Variants in TNC observed in about 807,000 individuals in gnomAD.
TNC encodes tenascin C.
In TNC, 109 loss-of-function variants were observed where a neutral mutation model predicts 202.4. The observed-to-expected ratio is 0.54, with a 90% CI of 0.46 to 0.63. The LOEUF is 0.63. Ranked by LOEUF, TNC falls within the 30% of genes least tolerant of loss-of-function variation. TNC has a pLI of 0.00. For missense variants in TNC, 2,756 were observed against 2,833.3 expected, an observed-to-expected ratio of 0.97 and a Z score of 0.62; for synonymous variants, 1,007 against 1,089.7, an observed-to-expected ratio of 0.92 and a Z score of 1.50.
At chr9:115,070,861 C>G (rs1325714557) in intron 10 of TNC, among the ~76,000 whole-genome samples, 2 of 152,218 alleles carry the variant, frequency 1.3e-5, no homozygotes, top group African/African-American at 4.8e-5. Context: ...CTATGCTTAC[C>G]AAGGTCAGGT....
chr9:115,085,738 A>G lies in TNC; in HGVS notation c.1867+126T>C, dbSNP rs1834660215. On this transcript the variant is annotated intron_variant, in intron 3 of 27. Coordinates refer to ENST00000350763, the MANE Select transcript of TNC (RefSeq NM_002160.4). ...TCATTATGGGTGTGTGTTTAAATGG[A>G]TATATTAATACGTACAAAGAATCAG... is the stretch of plus-strand genomic sequence containing the variant. 5 of 956,132 alleles carry G rather than the reference A, an allele frequency of 5.2e-6. No homozygotes were observed. In the South Asian group the frequency reaches 8.8e-5, roughly 17 times the overall value. The allele number at this position is 956,132 out of a possible 1,614,324, so 59.2% of individuals were successfully genotyped here.
At chr9:115,104,966 C>T (rs1836501560) in intron 1 of TNC, among the ~76,000 whole-genome samples, 1 of 152,064 alleles carries the variant, frequency 6.6e-6, no homozygotes, top group South Asian at 2.1e-4. Context: ...ACGTGTACAC[C>T]AAATATTTGG....
At chr9:115,024,186 C>G (rs1393434710) in intron 26 of TNC, 50 bp from the exon 27 acceptor site, 4 of 1,592,682 alleles carry the variant, frequency 2.5e-6, no homozygotes, top group Non-Finnish European at 3.4e-6. Context: ...TGAAATTTCC[C>G]TCCTGGACAG....
chr9:115,085,984 C>T lies in TNC; in HGVS notation c.1747G>A (p.Gly583Ser), dbSNP rs1834684073. 1.9e-6 allele frequency: 3 copies of T among 1,613,874 alleles called. No homozygotes were observed. The highest frequency in any genetic ancestry group is 2.5e-6 in the Non-Finnish European group (3 of 1,179,944). ...TGGCCACAGTCCAGGCCTGTGAAGC[C>T]CTCGTGGCAGATGCACTGGCCGTCC... ...CVDGQCICHE[G>S]FTGLDCGQHS... is the part of the protein sequence containing the mutation. Residue 583 changes from glycine (G) to serine (S), a missense_variant, in exon 3 of 28, where the codon GGC becomes AGC. Physicochemically the swap from Gly to Ser is moderately conservative, Grantham distance 56. This residue lies in a region of TNC where 2,559 missense variants were observed against 2,546.0 expected (regional missense o/e 1.01). Transcript: ENST00000350763.
At chr9:115,047,075 CT>C (rs991593284) in intron 16 of TNC, among the ~76,000 whole-genome samples, 4 of 151,932 alleles carry the variant, frequency 2.6e-5, no homozygotes, top group Admixed American at 6.6e-5. Context: ...TTTTTCTTTT[CT>C]TTTTGAAAAG....
chr9:115,024,202 G>A (rs553438060), intron 26 of TNC, 66 bp from the exon 27 acceptor site: 1 of 1,540,836 alleles, frequency 6.5e-7, no homozygotes, highest in Non-Finnish European at 8.9e-7. Context: ...GACAGTAAAG[G>A]GCAGAACCAG....
At chr9:115,037,528 T>A (rs1384517022) in intron 20 of TNC, among the ~76,000 whole-genome samples, 1 of 152,124 alleles carries the variant, frequency 6.6e-6, no homozygotes, top group Non-Finnish European at 1.5e-5. Context: ...TTTATTTATT[T>A]TTTATTTTTA....
chr9:115,065,993 A>T (rs989279256), intron 10 of TNC, among the ~76,000 whole-genome samples: 1 of 151,526 alleles, frequency 6.6e-6, no homozygotes, highest in Non-Finnish European at 1.5e-5. Flanking sequence ...TTGGGATTTC[A>T]TCAGTTTCTA....
At chr9:115,055,806 GT>G (rs1369558034) in intron 15 of TNC, 1 of 152,406 alleles carries the variant, frequency 6.6e-6, no homozygotes, top group Non-Finnish European at 1.5e-5. Flanking sequence ...CCATTGTAGA[GT>G]CAAAATCAAA....
chr9:115,026,713 G>A lies in TNC; in HGVS notation c.6170-18C>T. ...GTCCAGCCCTGTGGATGACAGGCAA[G>A]GGTTGCTAAGAAGCACAGGTGACTG... On this transcript the variant is annotated intron_variant, in intron 25 of 27. Transcript: ENST00000350763. 6.2e-7 allele frequency: 1 copy of A among 1,612,448 alleles called. No homozygotes were observed. Among genetic ancestry groups the A allele is most frequent in the Non-Finnish European group, 8.5e-7 (1 of 1,179,340 alleles).
Position 115,052,806 on chromosome 9 carries a change from C to T in TNC, c.4580-4274G>A, listed in dbSNP as rs771493253. The T allele has an allele frequency of 8.4e-5, 59 of 702,650 alleles. No homozygotes were observed. The East Asian group carries it at 1.2e-3, about 15-fold the overall frequency. The allele number at this position is 702,650 out of a possible 1,614,324, so 43.5% of individuals were successfully genotyped here. ...GCCAAGGTGGTTCCTGCCACACTGA[C>T]GTCATAGCCAGTGTTCTCCACCAAG... On this transcript the variant is annotated intron_variant, in intron 15 of 27. Transcript: ENST00000350763.
intron 2 of TNC, among the ~76,000 whole-genome samples, chr9:115,088,290 C>T (rs894716077): frequency 1.3e-5 from 2 of 152,130 alleles, no homozygotes; most frequent in African/African-American, 2.4e-5. Flanking sequence ...AAGGTTGGCT[C>T]AAGTTGGTAT....
intron 2 of TNC, among the ~76,000 whole-genome samples, chr9:115,087,698 C>CTTTTTTTTTTTT (rs752435283): frequency 8.4e-6 from 1 of 119,738 alleles, no homozygotes; most frequent in African/African-American, 3.2e-5. Context: ...TCTTTCTTTT[C>CTTTTTTTTTTTT]TTTTTTTTTT....
At chr9:115,065,773 G>A (rs1832903674) in intron 10 of TNC, among the ~76,000 whole-genome samples, 2 of 151,898 alleles carry the variant, frequency 1.3e-5, no homozygotes, top group Non-Finnish European at 1.5e-5. Flanking sequence ...GTGGTGGCGT[G>A]AGCCTGTAAT....
chr9:115,082,737 AG>A lies in TNC; in HGVS notation c.2201del (p.Pro734LeufsTer2). On this transcript the variant is annotated frameshift_variant, in exon 5 of 28. Transcript: ENST00000350763. LOFTEE classifies it high-confidence loss of function. ...CCCAGGTTTCAAAAGCAATGTCTAG[AG>A]GATCCCACTCCACTTCCACAGATGT... ...KETSVEVEWD[P>X]LDIAFETWEI... 1 of 1,614,202 alleles carries A rather than the reference AG, an allele frequency of 6.2e-7. No homozygotes were observed. The highest frequency in any genetic ancestry group is 8.5e-7 in the Non-Finnish European group (1 of 1,180,016).
rs544146898 is a variant in TNC, at chr9:115,042,100, A to C, written c.5248+119T>G. 1.7e-5 allele frequency: 25 copies of C among 1,436,798 alleles called. No individual in the cohort carries two copies. The Admixed American group carries it at 2.4e-4, about 14-fold the overall frequency. The allele number at this position is 1,436,798 out of a possible 1,614,324, so 89.0% of individuals were successfully genotyped here. ...CTCTTCTCTCCAGATGGTCTCACAA[A>C]TAAAGAATTCATTTTCTTTGATCAT... On this transcript the variant is annotated intron_variant, in intron 18 of 27. Coordinates refer to ENST00000350763, the MANE Select transcript of TNC (RefSeq NM_002160.4).
chr9:115,099,895 CA>C (rs1324740967), intron 1 of TNC, among the ~76,000 whole-genome samples: 18 of 152,182 alleles, frequency 1.2e-4, no homozygotes, highest in African/African-American at 4.1e-4. Flanking sequence ...TTCAATTTGT[CA>C]AGTAGCAGGG....
rs376701528 is a variant in TNC, at chr9:115,028,274, G to A, written c.6169+1086C>T. 9.7e-4 allele frequency among the ~76,000 whole-genome samples: 147 copies of A among 152,128 alleles called. 1 individual carries two copies. The highest frequency in any genetic ancestry group is 3.4e-3 in the African/African-American group (142 of 41,514). Reference sequence around the variant, plus strand: ...GCAGCATTCTTTCTTTCTAATAAACGTTCCTTTTTCAAACCTATACTGTTG... The same window carrying A: ...GCAGCATTCTTTCTTTCTAATAAACATTCCTTTTTCAAACCTATACTGTTG... On this transcript the variant is annotated intron_variant, in intron 25 of 27. Transcript: ENST00000350763.
intron 22 of TNC, among the ~76,000 whole-genome samples, chr9:115,034,087 A>T (rs749215512): frequency 2.6e-5 from 4 of 152,246 alleles, no homozygotes; most frequent in Non-Finnish European, 4.4e-5. Context: ...AGTCTAAATG[A>T]CTGCCCTTTC....
Sources: allele counts gnomAD v4.1 joint callset (sites outside exome capture counted in the v4.1 genomes callset), GRCh38; gene constraint gnomAD v4.1.1; regional missense constraint gnomAD v4.1.1; transcripts MANE v1.5; gene names NCBI Gene and HGNC (gene_info 2026-07-23, HGNC 2026-07-21).